The following DAB1 variants were observed in gnomAD, a reference collection of about 807,000 sequenced individuals.
DAB1 encodes the protein DAB adaptor protein 1.
Under a neutral mutation model 64.6 loss-of-function variants are expected in DAB1, and 15 were observed. The observed-to-expected ratio is 0.23, with a 90% confidence interval of 0.16 to 0.36. The LOEUF is 0.36. DAB1 is among the 10% of genes least tolerant of loss of function. The pLI is 1.00. For synonymous variants in DAB1, 235 were observed against 251.9 expected, an observed-to-expected ratio of 0.93 and a Z score of 0.64; for missense variants, 596 against 706.7, an observed-to-expected ratio of 0.84 and a Z score of 1.78.
intron 3 of DAB1, among the ~76,000 whole-genome samples, chr1:58,464,730 T>C (rs1035666140): frequency 1.3e-5 from 2 of 152,296 alleles, no homozygotes; most frequent in South Asian, 4.1e-4. Flanking sequence ...GCAAATACGA[T>C]GGATGTGGGC....
At chr1:58,026,469 C>T (rs887106699) in intron 5 of DAB1, among the ~76,000 whole-genome samples, 5 of 152,144 alleles carry the variant, frequency 3.3e-5, no homozygotes, top group Non-Finnish European at 7.4e-5. Flanking sequence ...TGGGGATTAA[C>T]TATGCTAAGA....
intron 9 of DAB1, among the ~76,000 whole-genome samples, chr1:57,040,069 A>G (rs772909236): frequency 1.3e-5 from 2 of 152,230 alleles, no homozygotes; most frequent in Admixed American, 6.5e-5. Flanking sequence ...TATCAGTGAG[A>G]TAATTCACAT....
At position 57,368,259 on chromosome 1, in the gene DAB1, G is replaced by C. The variant is rs368296789; in HGVS notation, c.-137+55671C>G. Reference sequence around the variant, plus strand: ...GGGGCCCCTTGGCACCTACAGCCTGGGTGCCATGAACGGCAGCAGGAGGGA... The same window carrying C: ...GGGGCCCCTTGGCACCTACAGCCTGCGTGCCATGAACGGCAGCAGGAGGGA... On this transcript the variant is annotated intron_variant, in intron 1 of 14. Coordinates refer to ENST00000371236, the MANE Select transcript of DAB1 (RefSeq NM_001365792.1). Among the ~76,000 whole-genome samples, 554 of 152,334 alleles carry C rather than the reference G, an allele frequency of 3.6e-3. 5 individuals carry two copies. The highest frequency in any genetic ancestry group is 0.013 in the African/African-American group (525 of 41,588).
At position 58,010,458 on chromosome 1, in the gene DAB1, G is replaced by T. The variant is rs545492552; in HGVS notation, n.388-126296C>A. 3.9e-5 allele frequency among the ~76,000 whole-genome samples: 6 copies of T among 152,122 alleles called. No homozygotes were observed. In the South Asian group the frequency reaches 1.2e-3, roughly 32 times the overall value. ...CTTGGAAGAACACACACATAAAAGC[G>T]CAATTTGAACACTTGTCGGTTTTAC... On this transcript the variant is annotated intron_variant and non_coding_transcript_variant, in intron 5 of 20. Coordinates refer to the DAB1 transcript ENST00000485760.
chr1:57,556,077 T>C (rs1016486121), intron 7 of DAB1, among the ~76,000 whole-genome samples: 4 of 152,188 alleles, frequency 2.6e-5, no homozygotes, highest in Non-Finnish European at 4.4e-5. Flanking sequence ...TATAATAAGA[T>C]ATGCTTTAAG....
intron 7 of DAB1, among the ~76,000 whole-genome samples, chr1:57,612,928 G>T (rs528719244): frequency 6.6e-6 from 1 of 152,232 alleles, no homozygotes; most frequent in South Asian, 2.1e-4. Context: ...GTGTACATGG[G>T]TGTCTTCTAC....
chr1:57,763,875 T>A (rs1408738086), intron 6 of DAB1, among the ~76,000 whole-genome samples: 7 of 152,182 alleles, frequency 4.6e-5, no homozygotes, highest in Admixed American at 3.3e-4. Flanking sequence ...CATAAAGTCC[T>A]GAGTGAAGAG....
intron 7 of DAB1, among the ~76,000 whole-genome samples, chr1:57,436,655 G>A (rs554634966): frequency 8.5e-5 from 13 of 152,276 alleles, no homozygotes; most frequent in Admixed American, 4.6e-4. Context: ...TGCGAGAATG[G>A]TTACACCAAG....
chr1:58,291,535 CAG>C (rs1399816391), intron 4 of DAB1, among the ~76,000 whole-genome samples: 1 of 152,206 alleles, frequency 6.6e-6, no homozygotes, highest in African/African-American at 2.4e-5. Flanking sequence ...TCAATGAGAA[CAG>C]AGAAATTTTC....
chr1:57,994,127 G>A (rs1281753099), intron 5 of DAB1, among the ~76,000 whole-genome samples: 1 of 152,180 alleles, frequency 6.6e-6, no homozygotes, highest in Non-Finnish European at 1.5e-5. Context: ...ATTAAGTCTG[G>A]CAGCAAAAGG....
intron 7 of DAB1, among the ~76,000 whole-genome samples, chr1:57,586,306 C>T (rs565647876): frequency 6.6e-6 from 1 of 152,170 alleles, no homozygotes; most frequent in Non-Finnish European, 1.5e-5. Flanking sequence ...CTCTCCCTCT[C>T]CTGAAGCCCA....
intron 4 of DAB1, among the ~76,000 whole-genome samples, chr1:58,277,164 T>C (rs1661469922): frequency 6.7e-6 from 1 of 150,226 alleles, no homozygotes; most frequent in Admixed American, 6.7e-5. Flanking sequence ...CTCAGCCCCC[T>C]GAGTAGCTGG....
intron 1 of DAB1, among the ~76,000 whole-genome samples, chr1:57,382,810 G>A (rs982704959): frequency 2.6e-5 from 4 of 152,020 alleles, no homozygotes; most frequent in Admixed American, 1.3e-4. Flanking sequence ...GGTATCTGCC[G>A]AGTCTCTTTT....
At chr1:58,201,251 C>T (rs1037519810) in intron 4 of DAB1, among the ~76,000 whole-genome samples, 4 of 152,086 alleles carry the variant, frequency 2.6e-5, no homozygotes, top group Admixed American at 6.5e-5. Flanking sequence ...CTCCTGACCT[C>T]GTGATCTGCC....
intron 3 of DAB1, among the ~76,000 whole-genome samples, chr1:58,369,870 T>A (rs531149265): frequency 1.2e-4 from 18 of 152,210 alleles, no homozygotes; most frequent in Non-Finnish European, 2.2e-4. Context: ...ATTAAGAATA[T>A]TGTAATAAAT....
chr1:57,572,628 C>T (rs1645206136), intron 7 of DAB1, among the ~76,000 whole-genome samples: 1 of 151,882 alleles, frequency 6.6e-6, no homozygotes, highest in South Asian at 2.1e-4. Context: ...TATAATAAGC[C>T]CTCAATAAAT....
chr1:57,141,606 T>C (rs1464939979), intron 3 of DAB1, among the ~76,000 whole-genome samples: 1 of 152,158 alleles, frequency 6.6e-6, no homozygotes, highest in African/African-American at 2.4e-5. Context: ...TAAAGTATCC[T>C]CATCTGGTCT....
At chr1:57,560,615 C>T (rs1645039017) in intron 7 of DAB1, among the ~76,000 whole-genome samples, 1 of 152,166 alleles carries the variant, frequency 6.6e-6, no homozygotes, top group Non-Finnish European at 1.5e-5. Flanking sequence ...TATTTAGTGA[C>T]CCCGAAGGCT....
At chr1:57,174,767 A>T (rs1662125706) in intron 2 of DAB1, among the ~76,000 whole-genome samples, 1 of 152,174 alleles carries the variant, frequency 6.6e-6, no homozygotes, top group Non-Finnish European at 1.5e-5. Context: ...AGGCTACTTG[A>T]TTTCTGTTTC....
Sources: allele counts gnomAD v4.1 joint callset (sites outside exome capture counted in the v4.1 genomes callset), GRCh38; gene constraint gnomAD v4.1.1; transcripts MANE v1.5; gene names NCBI Gene and HGNC (gene_info 2026-07-23, HGNC 2026-07-21).